Variants in PCED1B observed in about 807,000 individuals in gnomAD.
PCED1B encodes PC-esterase domain containing 1B.
For synonymous variants in PCED1B, 251 were observed against 246.1 expected, an observed-to-expected ratio of 1.02 and a Z score of -0.19; for missense variants, 573 against 573.9, an observed-to-expected ratio of 1.00 and a Z score of 0.02.
At chr12:47,126,432 ATTAAGTTTCAT>A (rs1939890943) in intron 2 of PCED1B, among the ~76,000 whole-genome samples, 1 of 152,134 alleles carries the variant, frequency 6.6e-6, no homozygotes, top group African/African-American at 2.4e-5. Context: ...GCACTTCTGC[ATTAAGTTTCAT>A]GAGGGATATT....
intron 2 of PCED1B, among the ~76,000 whole-genome samples, chr12:47,155,820 C>A (rs1941175907): frequency 6.6e-6 from 1 of 152,190 alleles, no homozygotes; most frequent in Non-Finnish European, 1.5e-5. Flanking sequence ...GGTACTGTAT[C>A]TAAATATTTG....
intron 2 of PCED1B, among the ~76,000 whole-genome samples, chr12:47,129,570 T>C (rs4768774): frequency 0.46 from 70,104 of 151,748 alleles, 17,959 homozygotes; most frequent in African/African-American, 0.7. Flanking sequence ...CATGCCCCTC[T>C]TATCCTAGTC....
intron 2 of PCED1B, among the ~76,000 whole-genome samples, chr12:47,173,770 A>G (rs74818148): frequency 0.019 from 2,894 of 152,302 alleles, 89 homozygotes; most frequent in African/African-American, 0.064. Flanking sequence ...TCAATTGTTT[A>G]AGTATTAATC....
intron 2 of PCED1B, among the ~76,000 whole-genome samples, chr12:47,196,692 G>C (rs1048829051): frequency 6.6e-6 from 1 of 152,150 alleles, no homozygotes; most frequent in Non-Finnish European, 1.5e-5. Flanking sequence ...TCTGGGCGTG[G>C]TGGCGGGCGC....
chr12:47,215,920 G>C (rs918716239), intron 2 of PCED1B, among the ~76,000 whole-genome samples: 1 of 152,022 alleles, frequency 6.6e-6, no homozygotes, highest in African/African-American at 2.4e-5. Flanking sequence ...CGGGTGTGGT[G>C]GTGGGTGCAT....
At chr12:47,187,648 G>A (rs766347155) in intron 2 of PCED1B, among the ~76,000 whole-genome samples, 20 of 152,022 alleles carry the variant, frequency 1.3e-4, no homozygotes, top group Non-Finnish European at 2.6e-4. Context: ...CAGCACCAAG[G>A]GCTGGAGGTG....
chr12:47,230,785 C>T (rs1235426245), intron 3 of PCED1B, among the ~76,000 whole-genome samples: 1 of 152,202 alleles, frequency 6.6e-6, no homozygotes, highest in African/African-American at 2.4e-5. Flanking sequence ...TTCAGTGTAA[C>T]TTGGAGCATC....
chr12:47,217,544 G>GA (rs1565608305), intron 3 of PCED1B, among the ~76,000 whole-genome samples: 1 of 146,978 alleles, frequency 6.8e-6, no homozygotes, highest in African/African-American at 2.6e-5. Context: ...AAAAGAAAAG[G>GA]AAAGAAAGAA....
intron 2 of PCED1B, among the ~76,000 whole-genome samples, chr12:47,107,236 A>G (rs1938995677): frequency 6.6e-6 from 1 of 152,136 alleles, no homozygotes; most frequent in Admixed American, 6.5e-5. Context: ...AAACACCGTA[A>G]GCCTAGGTGC....
chr12:47,128,796 C>A (rs1940001480), intron 2 of PCED1B, among the ~76,000 whole-genome samples: 1 of 152,184 alleles, frequency 6.6e-6, no homozygotes, highest in African/African-American at 2.4e-5. Flanking sequence ...ATGATATCTT[C>A]TGAGTTGAAT....
intron 2 of PCED1B, among the ~76,000 whole-genome samples, chr12:47,144,092 A>G (rs1041515016): frequency 3.3e-5 from 5 of 152,118 alleles, no homozygotes; most frequent in African/African-American, 1.2e-4. Flanking sequence ...CAGCTCTTGC[A>G]TTTCTCACGC....
intron 2 of PCED1B, among the ~76,000 whole-genome samples, chr12:47,120,033 A>T (rs1382045231): frequency 1.3e-5 from 2 of 152,142 alleles, no homozygotes; most frequent in African/African-American, 4.8e-5. Flanking sequence ...AATGATATTC[A>T]TAGATATTTC....
intron 3 of PCED1B, among the ~76,000 whole-genome samples, chr12:47,229,910 C>T (rs1335596778): frequency 6.6e-6 from 1 of 151,426 alleles, no homozygotes; most frequent in African/African-American, 2.4e-5. Flanking sequence ...GCTGGGACTA[C>T]AGGCACCCGC....
At chr12:47,220,061 A>G (rs1014037939) in intron 3 of PCED1B, among the ~76,000 whole-genome samples, 3 of 115,100 alleles carry the variant, frequency 2.6e-5, no homozygotes, top group African/African-American at 9.1e-5. Context: ...CAAGGGAGAC[A>G]CTGCCTCAAA....
rs188411617 is a variant in PCED1B at position 47,222,027 on chromosome 12, T to C, written c.-58+5338T>C. Among the ~76,000 whole-genome samples the C allele has an allele frequency of 2.7e-5, 4 of 149,062 alleles. No individual in the cohort carries two copies. In the East Asian group the frequency reaches 8.0e-4, roughly 30 times the overall value. On this transcript the variant is annotated intron_variant, in intron 3 of 3. Coordinates refer to ENST00000546455, the MANE Select transcript of PCED1B (RefSeq NM_138371.3). The stretch of plus-strand genomic sequence containing the variant: ...CTGAGGCAGAAGGATCTCTTAAACC[T>C]GGGAGATAAAGGCTGCAGTGAGCCA...
At position 47,165,141 on chromosome 12, in the gene PCED1B, TCTA is replaced by T. The variant is rs1265574959; in HGVS notation, c.-525-51078_-525-51076del. On this transcript the variant is annotated intron_variant, in intron 2 of 3. Transcript: ENST00000546455. ...CAACTGGGATTATTTTGCTCAATTT[TCTA>T]CTGTCATCTTCTAAGTCCAAACTGT... Among the ~76,000 whole-genome samples the T allele has an allele frequency of 2.0e-5, 3 of 152,340 alleles. No individual in the cohort carries two copies. The East Asian group carries it at 5.8e-4, about 29-fold the overall frequency.
At chr12:47,127,955 T>C (rs17097622) in intron 2 of PCED1B, among the ~76,000 whole-genome samples, 17,134 of 152,248 alleles carry the variant, frequency 0.11, 1,812 homozygotes, top group African/African-American at 0.28. Context: ...TTTTGCATTA[T>C]GATACCGCTT....
At chr12:47,131,568 A>G (rs1403067308) in intron 2 of PCED1B, among the ~76,000 whole-genome samples, 1 of 152,126 alleles carries the variant, frequency 6.6e-6, no homozygotes, top group Non-Finnish European at 1.5e-5. Flanking sequence ...GAAAGGGGAG[A>G]AAGGTTGGAA....
At position 47,203,497 on chromosome 12, in the gene PCED1B, G is replaced by T. The variant is rs866261190; in HGVS notation, c.-525-12725G>T. Among the ~76,000 whole-genome samples the T allele has an allele frequency of 2.5e-4, 38 of 152,146 alleles. No homozygotes were observed. The Middle Eastern group carries it at 0.01, about 41-fold the overall frequency. On this transcript the variant is annotated intron_variant, in intron 2 of 3. Transcript: ENST00000546455. Reference sequence around the variant, plus strand: ...CCTCCGACAGGCCCTAGTGTGTGTTGTTCCCTACCCTTGGTGTCCATGTGT... The same window carrying T: ...CCTCCGACAGGCCCTAGTGTGTGTTTTTCCCTACCCTTGGTGTCCATGTGT...
Sources: allele counts gnomAD v4.1 joint callset (sites outside exome capture counted in the v4.1 genomes callset), GRCh38; gene constraint gnomAD v4.1.1; transcripts MANE v1.5; gene names NCBI Gene and HGNC (gene_info 2026-07-23, HGNC 2026-07-21).